The following DMRT1 variants were observed in gnomAD, a reference collection of about 807,000 sequenced individuals.
The protein encoded by DMRT1 is doublesex- and mab-3-related transcription factor 1.
A neutral mutation model predicts 32.3 loss-of-function variants in DMRT1; 7 were observed. That is an observed-to-expected ratio of 0.22 (90% CI 0.12 to 0.41). The LOEUF (loss-of-function observed/expected upper bound fraction) is 0.41, where lower values mean the gene tolerates loss of function less well. DMRT1 is among the 10% of genes least tolerant of loss of function. The pLI is 1.00. For synonymous variants in DMRT1, 278 were observed against 206.1 expected (o/e 1.35, Z -2.99); for missense variants, 625 against 500.5 (o/e 1.25, Z -2.37).
At chr9:929,374 C>T (rs1453894461) in intron 4 of DMRT1, among the ~76,000 whole-genome samples, 1 of 152,134 alleles carries the variant, frequency 6.6e-6, no homozygotes, top group African/African-American at 2.4e-5. Flanking sequence ...TCAAGTGTTC[C>T]TCCTGCCTTA....
chr9:907,865 TA>T (rs1817835807), intron 3 of DMRT1, among the ~76,000 whole-genome samples: 2 of 147,836 alleles, frequency 1.4e-5, no homozygotes, highest in Non-Finnish European at 3.0e-5. Flanking sequence ...GTGTTATATG[TA>T]TATAACACAC....
chr9:876,014 G>A (rs1046660350), intron 2 of DMRT1, among the ~76,000 whole-genome samples: 8 of 152,154 alleles, frequency 5.3e-5, no homozygotes, highest in African/African-American at 1.9e-4. Flanking sequence ...CTACACTGGG[G>A]ATGCTGGAGT....
chr9:877,091 C>A (rs1348346253), intron 2 of DMRT1, among the ~76,000 whole-genome samples: 1 of 152,222 alleles, frequency 6.6e-6, no homozygotes, highest in Admixed American at 6.5e-5. Flanking sequence ...CCAAGGACTT[C>A]TCTGTGGTCA....
chr9:907,822 AATAT>A (rs777107791), intron 3 of DMRT1, among the ~76,000 whole-genome samples: 8 of 82,554 alleles, frequency 9.7e-5, no homozygotes, highest in African/African-American at 3.8e-4. Context: ...AGTTCTCTAA[AATAT>A]ATATGTGTGT....
At chr9:926,763 A>C (rs1818539750) in intron 4 of DMRT1, among the ~76,000 whole-genome samples, 1 of 152,144 alleles carries the variant, frequency 6.6e-6, no homozygotes, top group African/African-American at 2.4e-5. Flanking sequence ...GCTCTGACAT[A>C]GCCAGGTTGA....
intron 4 of DMRT1, among the ~76,000 whole-genome samples, chr9:926,723 C>T (rs1818538135): frequency 6.6e-6 from 1 of 151,444 alleles, no homozygotes; most frequent in African/African-American, 2.4e-5. Context: ...GAGAGAAGCT[C>T]TGGAAACCAC....
chr9:879,496 G>T (rs181336288), intron 2 of DMRT1, among the ~76,000 whole-genome samples: 34 of 152,292 alleles, frequency 2.2e-4, no homozygotes, highest in African/African-American at 7.5e-4. Context: ...GTAGGCTGTT[G>T]TTCTAATGGA....
At chr9:967,861 T>G in intron 4 of DMRT1, 124 bp from the exon 5 acceptor site, 1 of 918,242 alleles carries the variant, frequency 1.1e-6, no homozygotes, top group East Asian at 2.6e-5. Flanking sequence ...CAACTCAGAA[T>G]AGAAATGGAG....
intron 2 of DMRT1, among the ~76,000 whole-genome samples, chr9:877,509 G>C (rs150422671): frequency 6.9e-4 from 105 of 152,270 alleles, no homozygotes; most frequent in Non-Finnish European, 1.3e-3. Context: ...TGCACTTTTT[G>C]ATGTAGCACT....
At chr9:917,991 A>C (rs1472006801) in intron 4 of DMRT1, among the ~76,000 whole-genome samples, 1 of 152,230 alleles carries the variant, frequency 6.6e-6, no homozygotes, top group Non-Finnish European at 1.5e-5. Context: ...ATAAGTATTC[A>C]TACTATATAA....
chr9:883,186 C>A (rs941613545), intron 2 of DMRT1, among the ~76,000 whole-genome samples: 3 of 151,704 alleles, frequency 2.0e-5, no homozygotes, highest in African/African-American at 4.8e-5. Context: ...TCTTTAAAAG[C>A]CAACTTCAGG....
chr9:964,672 C>T (rs372559968), intron 4 of DMRT1, among the ~76,000 whole-genome samples: 19 of 152,252 alleles, frequency 1.2e-4, no homozygotes, highest in Admixed American at 9.2e-4. Context: ...CCCCAACTCC[C>T]TTCCCCAAGC....
chr9:847,349 C>A (rs1838952257), intron 2 of DMRT1, among the ~76,000 whole-genome samples: 1 of 152,170 alleles, frequency 6.6e-6, no homozygotes, highest in African/African-American at 2.4e-5. Flanking sequence ...TCAACTCTTT[C>A]CTGTTGGTTA....
intron 4 of DMRT1, among the ~76,000 whole-genome samples, chr9:925,599 A>G (rs1366644098): frequency 1.3e-5 from 2 of 152,164 alleles, no homozygotes; most frequent in East Asian, 3.9e-4. Flanking sequence ...AGATCCCTGA[A>G]TTACTTTCCT....
chr9:903,839 G>GT (rs1442782123), intron 3 of DMRT1, among the ~76,000 whole-genome samples: 1 of 152,184 alleles, frequency 6.6e-6, no homozygotes. Context: ...CTAAGGGATT[G>GT]TTTTTTCAGT....
At chr9:907,205 T>C (rs1398594102) in intron 3 of DMRT1, among the ~76,000 whole-genome samples, 1 of 152,220 alleles carries the variant, frequency 6.6e-6, no homozygotes, top group African/African-American at 2.4e-5. Flanking sequence ...ATTAACCAAA[T>C]TTAAAAAATA....
intron 3 of DMRT1, among the ~76,000 whole-genome samples, chr9:897,178 T>C (rs1309318395): frequency 6.6e-6 from 1 of 151,594 alleles, no homozygotes; most frequent in East Asian, 1.9e-4. Context: ...AGTGGCGCCA[T>C]CTCGGCTCAC....
intron 4 of DMRT1, among the ~76,000 whole-genome samples, chr9:964,311 G>C (rs1046934795): frequency 2.0e-5 from 3 of 151,898 alleles, no homozygotes; most frequent in African/African-American, 7.3e-5. Context: ...TCATTGGTAA[G>C]AATGATCCTG....
At chr9:944,445 C>T (rs779460118) in intron 4 of DMRT1, among the ~76,000 whole-genome samples, 3 of 152,208 alleles carry the variant, frequency 2.0e-5, no homozygotes, top group Non-Finnish European at 2.9e-5. Flanking sequence ...GCAGCTCACT[C>T]CCCTCTTGCT....
Sources: gnomAD v4.1 joint callset for allele counts (sites outside exome capture counted in the v4.1 genomes callset) on GRCh38, gnomAD v4.1.1 for gene constraint, MANE v1.5 for transcripts, NCBI Gene and HGNC (gene_info 2026-07-23, HGNC 2026-07-21) for gene names.